Variants in SPMAP2L observed in about 807,000 individuals in gnomAD.
The protein encoded by SPMAP2L is sperm microtubule associated protein 2-like.
chr4:56,533,364 CTGA>C, the SPMAP2L span, among the ~76,000 whole-genome samples: 1 of 152,162 alleles, frequency 6.6e-6, no homozygotes, highest in African/African-American at 2.4e-5. Flanking sequence ...TCGCTCTTAG[CTGA>C]TGATTTCACT....
the SPMAP2L span, chr4:56,559,539 T>C: frequency 2.7e-6 from 4 of 1,472,600 alleles, no homozygotes; most frequent in South Asian, 1.3e-5. Flanking sequence ...CTGTGTGTTA[T>C]CATGTTACTT....
the SPMAP2L span, among the ~76,000 whole-genome samples, chr4:56,625,825 T>A: frequency 6.6e-6 from 1 of 152,240 alleles, no homozygotes. Context: ...TTTATTTGTA[T>A]GTAGTTCTTA....
At chr4:56,624,519 G>A in the SPMAP2L span, among the ~76,000 whole-genome samples, 1 of 152,176 alleles carries the variant, frequency 6.6e-6, no homozygotes, top group Non-Finnish European at 1.5e-5. Flanking sequence ...CAGGCCTGGA[G>A]GCCTAGGAGG....
At chr4:56,625,006 C>T in the SPMAP2L span, among the ~76,000 whole-genome samples, 1 of 152,146 alleles carries the variant, frequency 6.6e-6, no homozygotes, top group Non-Finnish European at 1.5e-5. Context: ...TCAATGCAAG[C>T]CTGTGAAAGC....
At chr4:56,612,855 C>T in the SPMAP2L span, among the ~76,000 whole-genome samples, 1 of 151,988 alleles carries the variant, frequency 6.6e-6, no homozygotes, top group Admixed American at 6.6e-5. Flanking sequence ...GAGTGAGCCC[C>T]CACGCCCGGC....
the SPMAP2L span, among the ~76,000 whole-genome samples, chr4:56,587,414 T>C: frequency 2.0e-5 from 3 of 152,072 alleles, no homozygotes; most frequent in Non-Finnish European, 2.9e-5. Context: ...GGTGCACCCA[T>C]CACCCAAGCA....
the SPMAP2L span, among the ~76,000 whole-genome samples, chr4:56,584,982 C>T: frequency 6.6e-6 from 1 of 152,212 alleles, no homozygotes; most frequent in East Asian, 1.9e-4. Context: ...TAGGGGAAGC[C>T]TCTATGGGTT....
chr4:56,619,870 AAAAAAC>A, the SPMAP2L span, among the ~76,000 whole-genome samples: 4,885 of 152,114 alleles, frequency 0.032, 164 homozygotes, highest in African/African-American at 0.083. Flanking sequence ...CTCAATACTA[AAAAAAC>A]AAAAACAAAA....
chr4:56,593,464 G>A, the SPMAP2L span: 25 of 1,589,418 alleles, frequency 1.6e-5, no homozygotes, highest in South Asian at 2.5e-4. Flanking sequence ...AGACACGGAG[G>A]GGAAGGTGGA....
At chr4:56,536,496 T>C in the SPMAP2L span, among the ~76,000 whole-genome samples, 1 of 152,238 alleles carries the variant, frequency 6.6e-6, no homozygotes, top group Non-Finnish European at 1.5e-5. Flanking sequence ...TTTACTCTTT[T>C]ACGTTAAGCT....
the SPMAP2L span, among the ~76,000 whole-genome samples, chr4:56,540,446 G>C: frequency 1.4e-4 from 21 of 152,288 alleles, no homozygotes; most frequent in East Asian, 1.7e-3. Context: ...AGGAGGCTGA[G>C]GCAGGAGAAT....
At chr4:56,620,450 G>T in the SPMAP2L span, among the ~76,000 whole-genome samples, 5 of 150,686 alleles carry the variant, frequency 3.3e-5, no homozygotes, top group African/African-American at 9.8e-5. Flanking sequence ...GCAACAGCGC[G>T]ATCTCAGCTC....
At chr4:56,533,111 G>A in the SPMAP2L span, among the ~76,000 whole-genome samples, 3 of 152,014 alleles carry the variant, frequency 2.0e-5, no homozygotes, top group Admixed American at 2.0e-4. Context: ...CTCTCCCTCT[G>A]TCATTCTTGC....
At chr4:56,594,908 A>AAT in the SPMAP2L span, 2 of 1,611,358 alleles carry the variant, frequency 1.2e-6, no homozygotes, top group South Asian at 2.2e-5. Flanking sequence ...CTCGCACCTA[A>AAT]ATCTTCACAA....
chr4:56,608,734 C>A, the SPMAP2L span, among the ~76,000 whole-genome samples: 1 of 152,118 alleles, frequency 6.6e-6, no homozygotes, highest in Non-Finnish European at 1.5e-5. Context: ...CCCTTGTGAC[C>A]CCAGGTTGGT....
chr4:56,539,052 G>C, the SPMAP2L span, among the ~76,000 whole-genome samples: 1 of 152,166 alleles, frequency 6.6e-6, no homozygotes, highest in Non-Finnish European at 1.5e-5. Context: ...CGACTACTAA[G>C]TCACTCTTCT....
At chr4:56,610,114 T>G in the SPMAP2L span, among the ~76,000 whole-genome samples, 1 of 152,100 alleles carries the variant, frequency 6.6e-6, no homozygotes, top group Admixed American at 6.5e-5. Context: ...AAAGCTCATA[T>G]GGAACCAAAA....
chr4:56,559,080 T>A, the SPMAP2L span, among the ~76,000 whole-genome samples: 144,918 of 151,972 alleles, frequency 0.95, 69,184 homozygotes, highest in Middle Eastern at 0.97. Flanking sequence ...ATTATAGGCA[T>A]GTGCCACCAC....
At chr4:56,618,544 A>T in the SPMAP2L span, among the ~76,000 whole-genome samples, 1 of 152,186 alleles carries the variant, frequency 6.6e-6, no homozygotes, top group African/African-American at 2.4e-5. Context: ...AGAACCCAGA[A>T]GTGCCAAGCA....
Sources: allele counts gnomAD v4.1 joint callset (sites outside exome capture counted in the v4.1 genomes callset), GRCh38; gene constraint gnomAD v4.1.1; transcripts MANE v1.5; gene names NCBI Gene and HGNC (gene_info 2026-07-23, HGNC 2026-07-21).